ALKBH3: variants seen among roughly 807,000 people sequenced by gnomAD.
ALKBH3 encodes alkB homolog 3, alpha-ketoglutarate dependent dioxygenase, also known as alpha-ketoglutarate-dependent dioxygenase alkB homolog 3.
In ALKBH3, 51 loss-of-function variants were observed where a neutral mutation model predicts 43.9. That is an observed-to-expected ratio of 1.16 (90% confidence interval 0.93 to 1.47). ALKBH3 has a LOEUF of 1.47. Among genes scored for constraint, ALKBH3 ranks in the 40% most tolerant of loss-of-function variants. The pLI is 0.00. For missense variants in ALKBH3, 361 were observed against 351.9 expected (o/e 1.03, Z -0.21); for synonymous variants, 102 against 115.2 (o/e 0.89, Z 0.73).
In ALKBH3 at chr11:43,920,037, A is replaced by C. The variant is rs376879086; in HGVS notation, c.*27A>C. 105 of 1,592,698 alleles carry C rather than the reference A, an allele frequency of 6.6e-5. No homozygotes were observed. Among genetic ancestry groups the C allele is most frequent in the Middle Eastern group, 5.0e-4 (3 of 6,024 alleles). ...GTCAGAGCTTTGAGAGAGAAGCTTCACTGAAACGGAGCAAACCTTCCACTG... is the reference window on the plus strand; with the variant it reads ...GTCAGAGCTTTGAGAGAGAAGCTTCCCTGAAACGGAGCAAACCTTCCACTG... On this transcript the variant is annotated 3_prime_UTR_variant, in exon 10 of 10. Coordinates refer to ENST00000302708, the MANE Select transcript of ALKBH3 (RefSeq NM_139178.4).
intron 7 of ALKBH3, chr11:43,899,442 G>GTAT: frequency 4.3e-6 from 3 of 703,596 alleles, no homozygotes. Flanking sequence ...AAAGTGATAG[G>GTAT]CTCCGAGGAT....
intron 7 of ALKBH3, among the ~76,000 whole-genome samples, chr11:43,896,515 G>T (rs1042329909): frequency 1.3e-5 from 2 of 152,100 alleles, no homozygotes; most frequent in Non-Finnish European, 2.9e-5. Flanking sequence ...TTTTCTGCCT[G>T]CTTTATATTC....
intron 2 of ALKBH3, 64 bp from the exon 3 acceptor site, chr11:43,883,021 C>A: frequency 7.4e-7 from 1 of 1,352,562 alleles, no homozygotes. Context: ...TTGGCCCTTG[C>A]TCAGTAGAAG....
chr11:43,915,062 G>A (rs1461793644), intron 8 of ALKBH3, among the ~76,000 whole-genome samples: 1 of 151,770 alleles, frequency 6.6e-6, no homozygotes, highest in African/African-American at 2.4e-5. Flanking sequence ...AAAAAAATTA[G>A]CCAGGCATGG....
At chr11:43,894,004 C>T (rs932913889) in intron 7 of ALKBH3, among the ~76,000 whole-genome samples, 1 of 152,060 alleles carries the variant, frequency 6.6e-6, no homozygotes, top group African/African-American at 2.4e-5. Flanking sequence ...GGCCACACCC[C>T]GACCTCTCAG....
At position 43,883,074 on chromosome 11, in the gene ALKBH3, TCTTG is replaced by T. The variant is rs1249244314; in HGVS notation, c.80-7_80-4del. The T allele has an allele frequency of 6.2e-7, 1 of 1,612,078 alleles. No individual in the cohort carries two copies. The highest frequency in any genetic ancestry group is 8.5e-7 in the Non-Finnish European group (1 of 1,178,402). On this transcript the variant is annotated splice_region_variant and splice_polypyrimidine_tract_variant and intron_variant, in intron 2 of 9. Coordinates refer to ENST00000302708, the MANE Select transcript of ALKBH3 (RefSeq NM_139178.4). The stretch of plus-strand genomic sequence containing the variant: ...TCCCCTGGTTTGAGGCTGTCCCCTC[TCTTG>T]CTTCAGCTACCACTGCTAAGAGCCA...
At chr11:43,918,535 A>G (rs1952001454) in intron 8 of ALKBH3, among the ~76,000 whole-genome samples, 1 of 152,216 alleles carries the variant, frequency 6.6e-6, no homozygotes, top group Admixed American at 6.5e-5. Flanking sequence ...GGTGCCAATT[A>G]GTAAATTAGC....
intron 8 of ALKBH3, among the ~76,000 whole-genome samples, chr11:43,917,072 C>T (rs1951989405): frequency 6.6e-6 from 1 of 152,196 alleles, no homozygotes. Flanking sequence ...CAAACGAAGG[C>T]TCACCCTTGT....
intron 7 of ALKBH3, chr11:43,898,419 C>T: frequency 2.8e-6 from 2 of 724,540 alleles, no homozygotes; most frequent in Admixed American, 2.0e-5. Context: ...ACACGGGAGG[C>T]TGGCATCATC....
intron 5 of ALKBH3, among the ~76,000 whole-genome samples, chr11:43,888,867 T>C (rs892233842): frequency 6.6e-6 from 1 of 152,232 alleles, no homozygotes; most frequent in African/African-American, 2.4e-5. Context: ...TGCGTTGGCA[T>C]TGTTGAAATA....
intron 8 of ALKBH3, chr11:43,909,932 C>G (rs1003745225): frequency 6.6e-6 from 1 of 152,236 alleles, no homozygotes; most frequent in African/African-American, 2.4e-5. Flanking sequence ...CTCCATCCCA[C>G]CACTCTGCTG....
At chr11:43,884,492 A>G (rs974421886) in intron 4 of ALKBH3, among the ~76,000 whole-genome samples, 5 of 152,050 alleles carry the variant, frequency 3.3e-5, no homozygotes, top group African/African-American at 1.2e-4. Flanking sequence ...AATGATAGTA[A>G]ACATTCTTCT....
Position 43,889,727 on chromosome 11 carries a change from T to C in ALKBH3, c.269T>C (p.Val90Ala), listed in dbSNP as rs2135180617. The C allele has an allele frequency of 1.9e-6, 3 of 1,613,860 alleles. No individual in the cohort carries two copies. The highest frequency in any genetic ancestry group is 1.7e-5 in the Admixed American group (1 of 59,992). ...ISLSPTGVSRVCLYPGFVDVK... is the reference protein window; with the variant it reads ...ISLSPTGVSRACLYPGFVDVK... Reference sequence around the variant, plus strand: ...AACAATGTTCATTCTGCACCCAGGGTCTGTTTGTATCCTGGCTTTGTTGAC... The same window carrying C: ...AACAATGTTCATTCTGCACCCAGGGCCTGTTTGTATCCTGGCTTTGTTGAC... The change falls in exon 6 of 10, where the codon GTC becomes GCC. Residue 90 changes from valine to alanine, a missense_variant and splice_region_variant. Transcript: ENST00000302708.
At chr11:43,910,946 A>G (rs1345268058) in intron 8 of ALKBH3, among the ~76,000 whole-genome samples, 2 of 152,082 alleles carry the variant, frequency 1.3e-5, no homozygotes, top group African/African-American at 4.8e-5. Flanking sequence ...AACCCCTACT[A>G]TGTGTCAGGT....
chr11:43,901,815 G>T, intron 8 of ALKBH3, 90 bp downstream of exon 8: 1 of 1,437,690 alleles, frequency 7.0e-7, no homozygotes, highest in South Asian at 1.3e-5. Context: ...TTCAGATTTC[G>T]AGCATGGGAA....
chr11:43,899,038 T>C, intron 7 of ALKBH3: 1 of 749,864 alleles, frequency 1.3e-6, no homozygotes, highest in Non-Finnish European at 2.5e-6. Context: ...CCACACAAGA[T>C]TCTCATTCAG....
intron 4 of ALKBH3, among the ~76,000 whole-genome samples, chr11:43,886,250 A>C (rs1479853040): frequency 6.6e-6 from 1 of 152,220 alleles, no homozygotes; most frequent in Non-Finnish European, 1.5e-5. Context: ...TGCCTGTTAA[A>C]TGTATCCCCT....
At chr11:43,889,690 T>C (rs751689677) in intron 5 of ALKBH3, 35 bp from the exon 6 acceptor site, 7 of 1,570,978 alleles carry the variant, frequency 4.5e-6, no homozygotes, top group East Asian at 2.2e-5. Flanking sequence ...ATCTTTTCCA[T>C]GTTTTTTGGT....
At chr11:43,897,120 G>A (rs769929600) in intron 7 of ALKBH3, 1 of 396,302 alleles carries the variant, frequency 2.5e-6, no homozygotes, top group Non-Finnish European at 5.0e-6. Flanking sequence ...TTTATAGAGA[G>A]GGGTCTCAGT....
Sources: allele counts gnomAD v4.1 joint callset (sites outside exome capture counted in the v4.1 genomes callset), GRCh38; gene constraint gnomAD v4.1.1; transcripts MANE v1.5; gene names NCBI Gene and HGNC (gene_info 2026-07-23, HGNC 2026-07-21).